ELN: variants seen among roughly 807,000 people sequenced by gnomAD.
ELN encodes elastin.
ELN carries 65 observed loss-of-function variants against 105.8 expected under a neutral mutation model. The ratio of observed to expected loss-of-function variants is 0.61; its 90% CI spans 0.50 to 0.75. ELN has a LOEUF of 0.75. Among genes scored for constraint, ELN ranks in the 30% least tolerant of loss-of-function variants. The probability of loss-of-function intolerance (pLI) is 0.00; values close to 1 mark genes in which losing one functional copy is unlikely to be tolerated. For missense variants in ELN, 882 were observed against 969.4 expected (o/e 0.91, Z 1.20); for synonymous variants, 368 against 389.2 (o/e 0.95, Z 0.64).
chr7:74,050,391 GTCCATCCATCCA>G (rs369449509), intron 15 of ELN, among the ~76,000 whole-genome samples: 5 of 94,334 alleles, frequency 5.3e-5, no homozygotes, highest in African/African-American at 8.4e-5. Context: ...CCATCCACTC[GTCCATCCATCCA>G]TCCATCCATC....
At chr7:74,055,901 C>T (rs1554679293) in intron 19 of ELN, among the ~76,000 whole-genome samples, 1 of 151,986 alleles carries the variant, frequency 6.6e-6, no homozygotes, top group Admixed American at 6.6e-5. Context: ...ATTCTCCTAC[C>T]TCAGCCTCCC....
rs1237662655 is a variant in ELN, at chr7:74,048,496, C to T, written c.746-7C>T. 6.2e-5 allele frequency: 100 copies of T among 1,613,894 alleles called. No individual in the cohort carries two copies. Among genetic ancestry groups the T allele is most frequent in the Non-Finnish European group, 8.2e-5 (97 of 1,179,954 alleles). On this transcript the variant is annotated splice_polypyrimidine_tract_variant and splice_region_variant and intron_variant, in intron 14 of 32. Coordinates refer to ENST00000252034, the MANE Select transcript of ELN (RefSeq NM_000501.4). ...CAAGGTCTCTCCCCTCTGCTTCCTT[C>T]CCCCAGGGGTTGGCCCCCAGGCAGC...
intron 4 of ELN, among the ~76,000 whole-genome samples, chr7:74,039,106 G>A (rs1391719775): frequency 6.6e-6 from 1 of 152,182 alleles, no homozygotes; most frequent in Non-Finnish European, 1.5e-5. Flanking sequence ...CAAAGCTGGA[G>A]GGTACATTCA....
At chr7:74,033,896 G>A (rs943702485) in intron 1 of ELN, among the ~76,000 whole-genome samples, 4 of 152,206 alleles carry the variant, frequency 2.6e-5, no homozygotes, top group African/African-American at 9.6e-5. Context: ...TCAGAGGGGG[G>A]CCTTCTGAGG....
chr7:74,054,461 A>T (rs1554678296), intron 18 of ELN, among the ~76,000 whole-genome samples: 1 of 145,884 alleles, frequency 6.9e-6, no homozygotes, highest in East Asian at 2.0e-4. Context: ...CAAGATTGAG[A>T]CTCCATCTCA....
chr7:74,037,913 C>G, intron 4 of ELN, 174 bp downstream of exon 4: 1 of 896,872 alleles, frequency 1.1e-6, no homozygotes, highest in South Asian at 1.5e-5. Context: ...TAGGCCGGGG[C>G]CAGGTCCCAG....
At position 74,035,694 on chromosome 7, in the gene ELN, A is replaced by ATC. The variant is rs1584487839; in HGVS notation, c.133+281_133+282dup. ...AGACCAGCCTGGACAACATAGTGAG[A>ATC]TCCCCCTCTCTACACACACACACAC... On this transcript the variant is annotated intron_variant, in intron 2 of 32. Coordinates refer to ENST00000252034, the MANE Select transcript of ELN (RefSeq NM_000501.4). 7.7e-6 allele frequency: 4 copies of ATC among 520,216 alleles called. No individual in the cohort carries two copies. In the East Asian group the frequency reaches 1.4e-4, roughly 18 times the overall value. The allele number at this position is 520,216 out of a possible 1,614,324, so 32.2% of individuals were successfully genotyped here. A position where few individuals can be genotyped will look rare whatever the true frequency, so the allele number is the denominator to read the frequency against.
intron 29 of ELN, among the ~76,000 whole-genome samples, chr7:74,065,190 AGTGAGCT>A (rs1463773262): frequency 4.6e-5 from 7 of 152,050 alleles, no homozygotes; most frequent in Admixed American, 4.6e-4. Flanking sequence ...TCAGGGCTGC[AGTGAGCT>A]GTGATCAAGC....
chr7:74,035,774 A>G (rs1226170346), intron 2 of ELN: 1 of 350,220 alleles, frequency 2.9e-6, no homozygotes. Flanking sequence ...AATGAAGTAT[A>G]GAAATTAAAA....
At chr7:74,043,757 G>T (rs1424741871) in intron 8 of ELN, 122 bp from the exon 9 acceptor site, 2 of 1,306,616 alleles carry the variant, frequency 1.5e-6, no homozygotes, top group African/African-American at 2.9e-5. Context: ...GTCCCTGGCT[G>T]CCCCTGTCGG....
chr7:74,043,482 G>T (rs28763983), intron 8 of ELN: 4 of 687,756 alleles, frequency 5.8e-6, no homozygotes, highest in Non-Finnish European at 1.1e-5. Context: ...GCGAGTCCCG[G>T]CAGAGCTGGG....
At chr7:74,057,804 C>A in intron 22 of ELN, 108 bp downstream of exon 22, 2 of 1,289,882 alleles carry the variant, frequency 1.6e-6, no homozygotes, top group Non-Finnish European at 2.2e-6. Context: ...CCCACTTAAG[C>A]TGTCACATTC....
intron 22 of ELN, among the ~76,000 whole-genome samples, chr7:74,058,899 C>T (rs1554682136): frequency 6.6e-6 from 1 of 152,110 alleles, no homozygotes; most frequent in East Asian, 1.9e-4. Context: ...TCTGCTGAGC[C>T]CCATATTCTC....
At chr7:74,040,757 G>T (rs1288136855) in intron 4 of ELN, among the ~76,000 whole-genome samples, 3 of 152,136 alleles carry the variant, frequency 2.0e-5, no homozygotes, top group African/African-American at 7.2e-5. Context: ...CTCCTGGGCT[G>T]CAGGGCAGGC....
chr7:74,062,946 A>G (rs931350642), intron 26 of ELN, among the ~76,000 whole-genome samples: 1 of 152,110 alleles, frequency 6.6e-6, no homozygotes, highest in Admixed American at 6.5e-5. Flanking sequence ...GGCTGCAGTG[A>G]ACTATGATTG....
In ELN at chr7:74,063,184, C is replaced by T. The variant is rs782335749; in HGVS notation, c.1818C>T (p.Leu606=). 2.2e-5 allele frequency: 35 copies of T among 1,608,988 alleles called. No homozygotes were observed. The highest frequency in any genetic ancestry group is 1.7e-4 in the South Asian group (15 of 89,244). ...CAGTGCCTGGGGTCCTTGGAGGGCT[C>T]GGGGCTCTCGGTGGAGTAGGCATCC... ...GAAVPGVLGG[L]GALGGVGIPG... is the part of the protein sequence containing the mutation. The change falls in exon 27 of 33, where the codon CTC becomes CTT. Residue 606 remains leucine (L), a synonymous_variant. Coordinates refer to ENST00000252034, the MANE Select transcript of ELN (RefSeq NM_000501.4). The surrounding 1 kb of genome is among the most constrained non-coding windows in gnomAD (Gnocchi z 4.1).
intron 1 of ELN, among the ~76,000 whole-genome samples, chr7:74,029,121 C>A (rs575764521): frequency 1.6e-3 from 245 of 152,244 alleles, no homozygotes; most frequent in Non-Finnish European, 2.6e-3. Context: ...TAGACATGTA[C>A]ACATGTAGAC....
chr7:74,061,914 T>C (rs1255630903), intron 26 of ELN, among the ~76,000 whole-genome samples: 2 of 152,106 alleles, frequency 1.3e-5, no homozygotes, highest in East Asian at 3.9e-4. Context: ...AGTCTCTGCC[T>C]CCACCCCAGC....
At chr7:74,064,232 A>C (rs62476385) in intron 29 of ELN, among the ~76,000 whole-genome samples, 2 of 150,724 alleles carry the variant, frequency 1.3e-5, no homozygotes, top group South Asian at 4.2e-4. Flanking sequence ...TGGCTAACAC[A>C]GTGAAACCCC....
Sources: allele counts gnomAD v4.1 joint callset (sites outside exome capture counted in the v4.1 genomes callset), GRCh38; gene constraint gnomAD v4.1.1; non-coding constraint Gnocchi (gnomAD v3.1); transcripts MANE v1.5; gene names NCBI Gene and HGNC (gene_info 2026-07-23, HGNC 2026-07-21).